Variants in USP34 observed in about 807,000 individuals in gnomAD.
USP34 encodes the protein ubiquitin carboxyl-terminal hydrolase 34.
USP34 carries 70 observed loss-of-function variants against 460.3 expected under a neutral mutation model. The observed-to-expected ratio is 0.15, with a 90% CI of 0.13 to 0.19. USP34 has a LOEUF of 0.19. USP34 is among the 10% of genes least tolerant of loss of function. The probability of loss-of-function intolerance (pLI) is 1.00; values close to 1 mark genes in which losing one functional copy is unlikely to be tolerated. For synonymous variants in USP34, 1,647 were observed against 1,405.3 expected (o/e 1.17, Z -3.85); for missense variants, 3,985 against 4,236.2 (o/e 0.94, Z 1.65).
At chr2:61,396,403 C>T (rs968609678) in intron 3 of USP34, among the ~76,000 whole-genome samples, 4 of 152,040 alleles carry the variant, frequency 2.6e-5, no homozygotes, top group East Asian at 3.8e-4. Flanking sequence ...GGAAAATATA[C>T]GCATAACGAT....
intron 10 of USP34, among the ~76,000 whole-genome samples, chr2:61,353,916 G>A (rs1446927106): frequency 6.6e-6 from 1 of 152,090 alleles, no homozygotes; most frequent in African/African-American, 2.4e-5. Flanking sequence ...TTCAAAGGCA[G>A]CTCTGAGCAA....
intron 1 of USP34, among the ~76,000 whole-genome samples, chr2:61,467,775 A>G (rs543267002): frequency 3.0e-4 from 46 of 151,678 alleles, no homozygotes; most frequent in African/African-American, 1.1e-3. Flanking sequence ...TGCCTACACC[A>G]CCACACCCGG....
chr2:61,321,577 C>A (rs999188853), intron 21 of USP34, among the ~76,000 whole-genome samples: 1 of 152,152 alleles, frequency 6.6e-6, no homozygotes, highest in Non-Finnish European at 1.5e-5. Flanking sequence ...AATGAATGTA[C>A]CAGAAACACC....
At chr2:61,232,626 TTTAA>T (rs1262365710) in intron 57 of USP34, 94 bp from the exon 58 acceptor site, 1 of 1,013,198 alleles carries the variant, frequency 9.9e-7, no homozygotes, top group Admixed American at 2.6e-5. Flanking sequence ...TAGTCAATGT[TTTAA>T]TTCTTTTAAG....
intron 64 of USP34, 163 bp from the exon 65 acceptor site, chr2:61,222,826 G>A (rs1687623927): frequency 1.4e-6 from 1 of 720,050 alleles, no homozygotes; most frequent in Non-Finnish European, 2.3e-6. Flanking sequence ...CCTCCGAGTG[G>A]CTGGGACTAC....
rs190920307 is a variant in USP34, at chr2:61,421,908, G to A, written c.44-1075C>T. 1.4e-3 allele frequency among the ~76,000 whole-genome samples: 215 copies of A among 152,254 alleles called. 3 individuals are homozygous for A. The Middle Eastern group carries it at 0.017, about 12-fold the overall frequency. On this transcript the variant is annotated intron_variant, in intron 1 of 79. Coordinates refer to ENST00000398571, the MANE Select transcript of USP34 (RefSeq NM_014709.4). ...TGCTGGTAAGCTGAACTAGGAGGTT[G>A]GAAGATTCCTCTCTGGTAATACTGA...
intron 75 of USP34, among the ~76,000 whole-genome samples, chr2:61,202,771 G>A (rs771124232): frequency 2.0e-5 from 3 of 151,978 alleles, no homozygotes; most frequent in Non-Finnish European, 2.9e-5. Flanking sequence ...AGATCTCATC[G>A]CACCCTCAAG....
At chr2:61,257,788 T>C (rs902568695) in intron 44 of USP34, among the ~76,000 whole-genome samples, 1 of 152,048 alleles carries the variant, frequency 6.6e-6, no homozygotes, top group Admixed American at 6.5e-5. Flanking sequence ...ATGCCTGTAG[T>C]CCCAGCTACT....
chr2:61,381,513 C>T (rs1692974797), intron 6 of USP34, among the ~76,000 whole-genome samples: 1 of 152,036 alleles, frequency 6.6e-6, no homozygotes, highest in Non-Finnish European at 1.5e-5. Context: ...TAATTTTCTT[C>T]TGCACAGAGA....
chr2:61,242,383 G>T (rs1187395599), intron 51 of USP34, among the ~76,000 whole-genome samples: 2 of 151,184 alleles, frequency 1.3e-5, no homozygotes, highest in Non-Finnish European at 2.9e-5. Flanking sequence ...CAATCCAACT[G>T]ATGGGAGACA....
intron 1 of USP34, among the ~76,000 whole-genome samples, chr2:61,441,538 G>A (rs1020288208): frequency 2.0e-5 from 3 of 152,100 alleles, no homozygotes; most frequent in African/African-American, 7.2e-5. Flanking sequence ...CCCTCTCTGG[G>A]GCTAGAGGTG....
At chr2:61,457,807 C>A (rs1255926655) in intron 1 of USP34, among the ~76,000 whole-genome samples, 1 of 152,178 alleles carries the variant, frequency 6.6e-6, no homozygotes, top group Non-Finnish European at 1.5e-5. Flanking sequence ...AGGATCATAT[C>A]ACTGTACTCC....
chr2:61,209,598 C>T (rs572225431), intron 69 of USP34, among the ~76,000 whole-genome samples: 7 of 152,184 alleles, frequency 4.6e-5, no homozygotes, highest in Admixed American at 3.3e-4. Flanking sequence ...GTTGTACTGC[C>T]AGTCTTGTAA....
intron 67 of USP34, among the ~76,000 whole-genome samples, chr2:61,219,823 A>C (rs763094874): frequency 3.7e-4 from 57 of 152,140 alleles, no homozygotes; most frequent in Non-Finnish European, 7.2e-4. Context: ...AACTATCAAA[A>C]TAACATTTTC....
chr2:61,202,323 G>T (rs146820640), intron 75 of USP34, among the ~76,000 whole-genome samples: 1 of 152,114 alleles, frequency 6.6e-6, no homozygotes, highest in Non-Finnish European at 1.5e-5. Flanking sequence ...TAGTAGTTCC[G>T]CAAGTATTTC....
chr2:61,236,606 T>C (rs972806594), intron 53 of USP34, among the ~76,000 whole-genome samples: 3 of 152,312 alleles, frequency 2.0e-5, no homozygotes, highest in East Asian at 3.9e-4. Flanking sequence ...CCTCAAGCAA[T>C]TGTGAGGTTT....
intron 44 of USP34, 27 bp from the exon 45 acceptor site, chr2:61,257,377 A>T (rs1688747870): frequency 1.3e-6 from 2 of 1,533,332 alleles, no homozygotes; most frequent in African/African-American, 1.4e-5. Flanking sequence ...GAACATTCTA[A>T]GTGTCAGATA....
At chr2:61,247,942 T>C (rs181367911) in intron 49 of USP34, among the ~76,000 whole-genome samples, 2 of 152,040 alleles carry the variant, frequency 1.3e-5, no homozygotes, top group Admixed American at 6.5e-5. Flanking sequence ...ATCCAAGCAC[T>C]TGAGGAGGCC....
intron 20 of USP34, among the ~76,000 whole-genome samples, chr2:61,328,470 A>G (rs1393646323): frequency 3.9e-5 from 6 of 152,194 alleles, no homozygotes; most frequent in Admixed American, 2.0e-4. Context: ...AAATACTGAA[A>G]TAAGTATGCA....
Sources: allele counts gnomAD v4.1 joint callset (sites outside exome capture counted in the v4.1 genomes callset), GRCh38; gene constraint gnomAD v4.1.1; transcripts MANE v1.5; gene names NCBI Gene and HGNC (gene_info 2026-07-23, HGNC 2026-07-21).